CPSF6: variants seen among roughly 807,000 people sequenced by gnomAD.
CPSF6 encodes cleavage and polyadenylation specific factor 6, also known as cleavage and polyadenylation specificity factor subunit 6.
Under a neutral mutation model 56.7 loss-of-function variants are expected in CPSF6, and 10 were observed. The ratio of observed to expected loss-of-function variants is 0.18; its 90% CI spans 0.11 to 0.30. The LOEUF (loss-of-function observed/expected upper bound fraction) is 0.30. Among genes scored for constraint, CPSF6 ranks in the 10% least tolerant of loss-of-function variants. The pLI is 1.00. For missense variants in CPSF6, 419 were observed against 722.9 expected (o/e 0.58, Z 4.82); for synonymous variants, 248 against 244.8 (o/e 1.01, Z -0.12).
intron 9 of CPSF6, among the ~76,000 whole-genome samples, chr12:69,268,350 T>C (rs1873090151): frequency 1.3e-5 from 2 of 151,774 alleles, no homozygotes; most frequent in Non-Finnish European, 3.0e-5. Context: ...TATTTTTTTT[T>C]CTTTTGCAGT....
At chr12:69,251,467 A>G (rs1872239472) in intron 2 of CPSF6, 129 bp downstream of exon 2, 3 of 571,336 alleles carry the variant, frequency 5.3e-6, no homozygotes. Flanking sequence ...TTGCTTGTCC[A>G]ATGAGGAGGG....
At chr12:69,256,475 C>T (rs944089933) in intron 3 of CPSF6, among the ~76,000 whole-genome samples, 5 of 152,078 alleles carry the variant, frequency 3.3e-5, no homozygotes, top group African/African-American at 1.2e-4. Context: ...GTTGCCCAGG[C>T]TGGAGTGCAG....
chr12:69,267,421 T>C (rs911666265), intron 9 of CPSF6, among the ~76,000 whole-genome samples: 4 of 151,614 alleles, frequency 2.6e-5, no homozygotes, highest in African/African-American at 9.7e-5. Flanking sequence ...TTAGTTGTTT[T>C]AACATCTGTT....
At chr12:69,259,623 A>T in intron 7 of CPSF6, 80 bp downstream of exon 7, 1 of 1,180,354 alleles carries the variant, frequency 8.5e-7, no homozygotes, top group Admixed American at 2.5e-5. Context: ...TCTAGAAGAT[A>T]GGTCATTTAC....
In CPSF6 at chr12:69,253,114, A is replaced by G. The variant is rs377041024; in HGVS notation, c.334A>G (p.Ile112Val). 144 of 1,603,040 alleles carry G rather than the reference A, an allele frequency of 9.0e-5. No homozygotes were observed. The Middle Eastern group carries it at 1.8e-3, about 20-fold the overall frequency. The change falls in exon 3 of 10, where the codon ATA becomes GTA. Residue 112 changes from isoleucine to valine, a missense_variant. By Grantham distance (29) the Ile-to-Val change is conservative (BLOSUM62 3). Around this residue, in one of 4 missense-constraint regions of CPSF6, gnomAD observed 125 missense variants for 216.4 expected, o/e 0.58. Transcript: ENST00000435070. ...TTTGGGAGTAAATGATATTTTGGAG[A>G]TAAAATTTTTTGAAAATCGGGCAAA... ...HSLGVNDILE[I>V]KFFENRANGQ...
At chr12:69,243,500 A>AG (rs1871731955) in intron 1 of CPSF6, among the ~76,000 whole-genome samples, 1 of 152,240 alleles carries the variant, frequency 6.6e-6, no homozygotes, top group Non-Finnish European at 1.5e-5. Flanking sequence ...TATATGGTGT[A>AG]GCCTGTTGCT....
Position 69,258,451 on chromosome 12 carries a change from C to A in CPSF6, c.695-139C>A. 1.2e-6 allele frequency: 1 copy of A among 863,900 alleles called. No individual in the cohort carries two copies. The highest frequency in any genetic ancestry group is 1.7e-6 in the Non-Finnish European group (1 of 583,672). 53.5% of individuals were successfully genotyped at this position (863,900 alleles called of 1,614,324 possible). On this transcript the variant is annotated intron_variant, in intron 5 of 9. Coordinates refer to ENST00000435070, the MANE Select transcript of CPSF6 (RefSeq NM_007007.3). The surrounding 1 kb of genome is among the most constrained non-coding windows in gnomAD (Gnocchi z 4.2). ...TACTTCATTGTAGTTGGTAGTGTAA[C>A]ATTTACCATACGGGTTTAATTTAAA...
At chr12:69,249,168 G>GGGGGGGGGGGGGC in intron 1 of CPSF6, among the ~76,000 whole-genome samples, 1 of 33,910 alleles carries the variant, frequency 2.9e-5, no homozygotes, top group South Asian at 6.4e-4. Flanking sequence ...GGGGGGGGGG[G>GGGGGGGGGGGGGC]GCTGAGGCAG....
chr12:69,250,123 T>C (rs770691468), intron 1 of CPSF6, among the ~76,000 whole-genome samples: 1 of 152,202 alleles, frequency 6.6e-6, no homozygotes, highest in Non-Finnish European at 1.5e-5. Context: ...TTTTGAATTA[T>C]TTACATACCC....
intron 3 of CPSF6, among the ~76,000 whole-genome samples, chr12:69,256,405 T>TA (rs1232443285): frequency 1.3e-5 from 2 of 152,202 alleles, no homozygotes; most frequent in Non-Finnish European, 2.9e-5. Context: ...TGTACTCGTA[T>TA]AGTTAAGAAA....
At position 69,273,326 on chromosome 12, in the gene CPSF6, G is replaced by T; in HGVS notation, c.*3818G>T. 1 of 278,880 alleles carries T rather than the reference G, an allele frequency of 3.6e-6. No homozygotes were observed. Among genetic ancestry groups the T allele is most frequent in the South Asian group, 3.5e-5 (1 of 28,618 alleles). The allele number at this position is 278,880 out of a possible 1,614,324, so 17.3% of individuals were successfully genotyped here. A position where few individuals can be genotyped will look rare whatever the true frequency, so the allele number is the denominator to read the frequency against. ...ATTCACTGAGTATGCAGCTACTATGGTTTTTGTATGGGACGTATAAATACT... is the reference window on the plus strand; with the variant it reads ...ATTCACTGAGTATGCAGCTACTATGTTTTTTGTATGGGACGTATAAATACT... On this transcript the variant is annotated 3_prime_UTR_variant, in exon 10 of 10. Coordinates refer to ENST00000435070, the MANE Select transcript of CPSF6 (RefSeq NM_007007.3).
At chr12:69,265,082 AT>A (rs1012882606) in intron 9 of CPSF6, among the ~76,000 whole-genome samples, 16 of 151,594 alleles carry the variant, frequency 1.1e-4, no homozygotes, top group African/African-American at 3.9e-4. Context: ...TCCCATCTTA[AT>A]TTTTTTTTGT....
At chr12:69,250,098 TCATTTATTACGA>T (rs1236148330) in intron 1 of CPSF6, among the ~76,000 whole-genome samples, 1 of 151,972 alleles carries the variant, frequency 6.6e-6, no homozygotes, top group South Asian at 2.1e-4. Context: ...TTTACCTTGT[TCATTTATTACGA>T]CATTTTGAAT....
intron 3 of CPSF6, chr12:69,255,177 A>G (rs987322232): frequency 6.6e-6 from 1 of 152,210 alleles, no homozygotes; most frequent in Non-Finnish European, 1.5e-5. Context: ...TCCTTAGCAT[A>G]ATGATTTTAA....
chr12:69,241,962 A>G (rs765031142), intron 1 of CPSF6, among the ~76,000 whole-genome samples: 2 of 150,912 alleles, frequency 1.3e-5, no homozygotes, highest in Non-Finnish European at 3.0e-5. Context: ...ATAGTTGGTT[A>G]TTTTCAGAGC....
intron 8 of CPSF6, among the ~76,000 whole-genome samples, chr12:69,261,076 ATATT>A (rs1872723304): frequency 6.6e-6 from 1 of 152,148 alleles, no homozygotes; most frequent in African/African-American, 2.4e-5. Context: ...GAAATTTTAT[ATATT>A]TTTGAAAGGC....
At chr12:69,252,956 CTTTT>C (rs1872322050) in intron 2 of CPSF6, 91 bp from the exon 3 acceptor site, 6 of 721,916 alleles carry the variant, frequency 8.3e-6, no homozygotes, top group Non-Finnish European at 1.1e-5. Flanking sequence ...TTTATTTTCT[CTTTT>C]ATGTCTCAAA....
chr12:69,269,164 A>G (rs1289576022), intron 9 of CPSF6, among the ~76,000 whole-genome samples: 2 of 151,782 alleles, frequency 1.3e-5, no homozygotes, highest in Admixed American at 1.3e-4. Context: ...TCATCCAAGC[A>G]TTTTCCATTT....
rs1466266984 is a variant in CPSF6, at chr12:69,239,591, C to A, written c.-56C>A. On this transcript the variant is annotated 5_prime_UTR_variant, in exon 1 of 10. Transcript: ENST00000435070. ...GCCGCTAGATCCGCTGCTGCTGCCG[C>A]GGCGGGCAGACCTGCAGGAGGCGGC... 1 of 1,515,210 alleles carries A rather than the reference C, an allele frequency of 6.6e-7. No homozygotes were observed. Among genetic ancestry groups the A allele is most frequent in the East Asian group, 2.8e-5 (1 of 35,702 alleles). The allele number at this position is 1,515,210 out of a possible 1,614,324, so 93.9% of individuals were successfully genotyped here. A position where few individuals can be genotyped will look rare whatever the true frequency, so the allele number is the denominator to read the frequency against.
Sources: allele counts gnomAD v4.1 joint callset (sites outside exome capture counted in the v4.1 genomes callset), GRCh38; gene constraint gnomAD v4.1.1; regional missense constraint gnomAD v4.1.1; non-coding constraint Gnocchi (gnomAD v3.1); transcripts MANE v1.5; gene names NCBI Gene and HGNC (gene_info 2026-07-23, HGNC 2026-07-21).